SYNE2: variants seen among roughly 807,000 people sequenced by gnomAD.
SYNE2 encodes the protein nesprin-2.
A neutral mutation model predicts 856.3 loss-of-function variants in SYNE2; 431 were observed. The ratio of observed to expected loss-of-function variants is 0.50; its 90% CI spans 0.47 to 0.55. The LOEUF (loss-of-function observed/expected upper bound fraction) is 0.55. Among genes scored for constraint, SYNE2 ranks in the 20% least tolerant of loss-of-function variants. SYNE2 has a pLI of 0.00. For missense variants in SYNE2, 8,129 were observed against 8,023.2 expected, an observed-to-expected ratio of 1.01 and a Z score of -0.50; for synonymous variants, 2,923 against 2,872.3, an observed-to-expected ratio of 1.02 and a Z score of -0.56.
chr14:63,789,318 C>G (rs1471138204), intron 1 of SYNE2, among the ~76,000 whole-genome samples: 3 of 152,162 alleles, frequency 2.0e-5, no homozygotes, highest in African/African-American at 7.2e-5. Context: ...TCTCCTGTTT[C>G]CTGTGTCCTA....
At position 63,942,104 on chromosome 14, in the gene SYNE2, T is replaced by C; in HGVS notation, c.369T>C (p.Ile123=). 1.2e-6 allele frequency: 2 copies of C among 1,611,064 alleles called. No homozygotes were observed. The highest frequency in any genetic ancestry group is 1.3e-5 in the African/African-American group (1 of 74,978). The change falls in exon 6 of 116, where the codon ATT becomes ATC. Residue 123 remains isoleucine, a synonymous_variant. Transcript: ENST00000555002. ...ATATCATTGATGGAAACCCATCCAT[T>C]ATCCTTGGCCTAATTTGGACAATTA... ...VTDIIDGNPS[I]ILGLIWTIIL...
At chr14:63,979,616 G>C (rs879298644) in intron 14 of SYNE2, among the ~76,000 whole-genome samples, 11 of 152,222 alleles carry the variant, frequency 7.2e-5, no homozygotes, top group Non-Finnish European at 1.3e-4. Context: ...TCCTTTTAGA[G>C]ATGAGGTGGG....
At chr14:63,850,067 T>G (rs1199716708), upstream of SYNE2, among the ~76,000 whole-genome samples, 3 of 143,798 alleles carry the variant, frequency 2.1e-5, no homozygotes, top group African/African-American at 7.5e-5. Context: ...TGGGGCATAA[T>G]ATGACAACAT....
At chr14:64,051,493 A>T in intron 47 of SYNE2, 64 bp from the exon 48 acceptor site, 1 of 1,409,196 alleles carries the variant, frequency 7.1e-7, no homozygotes, top group South Asian at 1.3e-5. Flanking sequence ...AATGATATTT[A>T]TCCACATTTT....
intron 14 of SYNE2, among the ~76,000 whole-genome samples, chr14:63,980,255 G>A (rs1318399608): frequency 1.3e-5 from 2 of 152,112 alleles, no homozygotes; most frequent in African/African-American, 2.4e-5. Context: ...TGTAACGTAC[G>A]CTAATATATC....
chr14:63,775,884 G>A (rs1887090508), intron 1 of SYNE2, among the ~76,000 whole-genome samples: 1 of 152,160 alleles, frequency 6.6e-6, no homozygotes, highest in Non-Finnish European at 1.5e-5. Context: ...CTTCTTCTCA[G>A]TTAACACATT....
intron 38 of SYNE2, chr14:64,023,836 C>T (rs541423777): frequency 4.4e-6 from 1 of 229,704 alleles, no homozygotes; most frequent in African/African-American, 2.3e-5. Flanking sequence ...TTTGAAGTCT[C>T]ATCTTTTTTT....
intron 2 of SYNE2, among the ~76,000 whole-genome samples, chr14:63,940,043 T>C (rs1194141513): frequency 6.6e-6 from 1 of 151,322 alleles, no homozygotes; most frequent in African/African-American, 2.4e-5. Context: ...TGTACAGTAC[T>C]GTCAAGGTGG....
chr14:64,164,712 A>T (rs1210913196), intron 89 of SYNE2, among the ~76,000 whole-genome samples: 1 of 152,166 alleles, frequency 6.6e-6, no homozygotes, highest in East Asian at 1.9e-4. Context: ...CTGACTCTCT[A>T]TGTGGTCTCC....
intron 1 of SYNE2, among the ~76,000 whole-genome samples, chr14:63,881,064 G>T (rs149407640): frequency 0.017 from 2,580 of 151,866 alleles, 29 homozygotes; most frequent in Non-Finnish European, 0.03. Flanking sequence ...TGGCCAGGCT[G>T]GTCTCGAACC....
intron 66 of SYNE2, among the ~76,000 whole-genome samples, chr14:64,118,273 C>A (rs1187325445): frequency 6.6e-6 from 1 of 152,156 alleles, no homozygotes; most frequent in Non-Finnish European, 1.5e-5. Flanking sequence ...ACCGAGCAGG[C>A]TGCTGAGCCC....
In SYNE2 at chr14:63,961,006, A is replaced by G. The variant is rs1378500879; in HGVS notation, c.788-519A>G. On this transcript the variant is annotated intron_variant, in intron 8 of 115. Transcript: ENST00000555002. ...AAAGCCTGGCCTGTAGAAGGCTTTC[A>G]GTAGATTTACTTGTTCCATGAATGA... is the stretch of plus-strand genomic sequence containing the variant. 3 of 503,496 alleles carry G rather than the reference A, an allele frequency of 6.0e-6. No homozygotes were observed. The East Asian group carries it at 9.2e-5, about 16-fold the overall frequency. The allele number at this position is 503,496 out of a possible 1,614,324, so 31.2% of individuals were successfully genotyped here.
intron 2 of SYNE2, among the ~76,000 whole-genome samples, chr14:63,924,162 G>T (rs116600772): frequency 0.017 from 2,552 of 152,104 alleles, 64 homozygotes; most frequent in African/African-American, 0.058. Context: ...GAAATCAATT[G>T]CCCATAAGTG....
rs368703082 is a variant in SYNE2, at chr14:64,142,128, A to G, written c.15306+40A>G. ...GGAGCAGAAGTCTTTTCATTGAAAC[A>G]AGAAGGCTAATCAGAGGGGTAATGC... On this transcript the variant is annotated intron_variant, in intron 82 of 115. Transcript: ENST00000555002. The G allele has an allele frequency of 9.5e-5, 153 of 1,611,624 alleles. No individual in the cohort carries two copies. In the African/African-American group the frequency reaches 1.8e-3, roughly 19 times the overall value.
intron 1 of SYNE2, among the ~76,000 whole-genome samples, chr14:63,896,227 T>C (rs1299750880): frequency 6.6e-6 from 1 of 152,240 alleles, no homozygotes; most frequent in Non-Finnish European, 1.5e-5. Flanking sequence ...CCATAGCATG[T>C]TCTCATAAAA....
chr14:64,209,881 G>T, intron 102 of SYNE2, 61 bp from the exon 103 acceptor site: 1 of 1,609,654 alleles, frequency 6.2e-7, no homozygotes, highest in East Asian at 2.2e-5. Flanking sequence ...GGATGTAGAA[G>T]GGAAGGAGGG....
chr14:63,818,249 T>A (rs1436066344), intron 1 of SYNE2, among the ~76,000 whole-genome samples: 2 of 148,356 alleles, frequency 1.3e-5, no homozygotes, highest in African/African-American at 5.0e-5. Flanking sequence ...GCAGGAGAAT[T>A]GTTTGAACCT....
At chr14:64,017,468 G>A (rs1265304779) in intron 33 of SYNE2, 127 bp from the exon 34 acceptor site, 1 of 744,350 alleles carries the variant, frequency 1.3e-6, no homozygotes, top group Non-Finnish European at 2.2e-6. Context: ...AATTTTTGTT[G>A]ATGAATAAAG....
At chr14:64,089,779 A>G in intron 59 of SYNE2, 83 bp downstream of exon 59, 2 of 1,221,892 alleles carry the variant, frequency 1.6e-6, no homozygotes, top group Non-Finnish European at 1.2e-6. Flanking sequence ...TGATTTAAAA[A>G]AGCATTTAGT....
Sources: gnomAD v4.1 joint callset for allele counts (sites outside exome capture counted in the v4.1 genomes callset) on GRCh38, gnomAD v4.1.1 for gene constraint, MANE v1.5 for transcripts, NCBI Gene and HGNC (gene_info 2026-07-23, HGNC 2026-07-21) for gene names.